The following CLVS1 variants were observed in gnomAD, a reference collection of about 807,000 sequenced individuals.
The protein encoded by CLVS1 is clavesin 1.
A neutral mutation model predicts 33.1 loss-of-function variants in CLVS1; 10 were observed. The ratio of observed to expected loss-of-function variants is 0.30; its 90% CI spans 0.19 to 0.51. The LOEUF (loss-of-function observed/expected upper bound fraction) is 0.51, where lower values mean the gene tolerates loss of function less well. CLVS1 is among the 20% of genes least tolerant of loss of function. CLVS1 has a pLI of 0.97. For missense variants in CLVS1, 343 were observed against 433.4 expected, an observed-to-expected ratio of 0.79 and a Z score of 1.85; for synonymous variants, 163 against 166.1, an observed-to-expected ratio of 0.98 and a Z score of 0.14.
At chr8:61,143,087 G>A (rs949636062) in intron 2 of CLVS1, among the ~76,000 whole-genome samples, 2 of 152,050 alleles carry the variant, frequency 1.3e-5, no homozygotes, top group East Asian at 1.9e-4. Flanking sequence ...CTTTAGATTC[G>A]AATTAGATTC....
intron 2 of CLVS1, among the ~76,000 whole-genome samples, chr8:61,223,957 G>T (rs1462581979): frequency 7.1e-6 from 1 of 140,404 alleles, no homozygotes; most frequent in Non-Finnish European, 1.5e-5. Flanking sequence ...CTGCTTGGTT[G>T]ATTTGGTTAA....
chr8:61,320,698 G>A lies in CLVS1; in HGVS notation c.455+20416G>A, dbSNP rs188117820. Among the ~76,000 whole-genome samples the A allele has an allele frequency of 9.9e-5, 15 of 152,274 alleles. No homozygotes were observed. In the East Asian group the frequency reaches 2.9e-3, roughly 29 times the overall value. On this transcript the variant is annotated intron_variant, in intron 2 of 5. Coordinates refer to ENST00000325897, the MANE Select transcript of CLVS1 (RefSeq NM_173519.3). Reference sequence around the variant, plus strand: ...CTAACTGTGTCCTCACATGGTAGTAGGAGAAAACAAGTTCTCTAGGGCCTC... The same window carrying A: ...CTAACTGTGTCCTCACATGGTAGTAAGAGAAAACAAGTTCTCTAGGGCCTC...
chr8:61,479,598 C>T (rs1818104961), intron 5 of CLVS1, among the ~76,000 whole-genome samples: 2 of 152,188 alleles, frequency 1.3e-5, no homozygotes, highest in South Asian at 4.1e-4. Flanking sequence ...AAGTCATTCT[C>T]CATCCAGCTT....
chr8:61,124,844 G>A (rs533900501), intron 1 of CLVS1, among the ~76,000 whole-genome samples: 4 of 152,330 alleles, frequency 2.6e-5, no homozygotes, highest in Admixed American at 1.3e-4. Flanking sequence ...TAAACGTCCT[G>A]AAGTGTGATC....
intron 2 of CLVS1, among the ~76,000 whole-genome samples, chr8:61,232,023 GTTTTTTTTTT>G (rs1158042227): frequency 1.6e-5 from 1 of 62,628 alleles, no homozygotes; most frequent in Non-Finnish European, 3.9e-5. Flanking sequence ...GAAAGTTGTG[GTTTTTTTTTT>G]TTTTTTTTTT....
rs77837991 is a variant in CLVS1, at chr8:61,442,426, A to G, written c.631-11715A>G. Among the ~76,000 whole-genome samples the G allele has an allele frequency of 3.6e-3, 552 of 152,328 alleles. 3 individuals carry two copies. The highest frequency in any genetic ancestry group is 6.0e-3 in the Non-Finnish European group (411 of 68,028). On this transcript the variant is annotated intron_variant, in intron 3 of 5. Coordinates refer to ENST00000325897, the MANE Select transcript of CLVS1 (RefSeq NM_173519.3). Reference sequence around the variant, plus strand: ...TCTTTGTACCAGTTTTTGTGTAAACATAAGTTTTTATTTCTCTGAAATAAA... The same window carrying G: ...TCTTTGTACCAGTTTTTGTGTAAACGTAAGTTTTTATTTCTCTGAAATAAA...
intron 2 of CLVS1, among the ~76,000 whole-genome samples, chr8:61,133,656 A>G (rs1806141395): frequency 6.6e-6 from 1 of 152,160 alleles, no homozygotes; most frequent in Non-Finnish European, 1.5e-5. Flanking sequence ...AGGACGCTAC[A>G]CTGCCAAAAC....
chr8:61,338,964 CTG>C (rs10608173), intron 2 of CLVS1, among the ~76,000 whole-genome samples: 25,522 of 148,340 alleles, frequency 0.17, 2,471 homozygotes, highest in East Asian at 0.43. Context: ...AAAGGGAACA[CTG>C]TGTGTGTGTG....
At chr8:60,985,469 A>G in the CLVS1 span, among the ~76,000 whole-genome samples, 28 of 152,016 alleles carry the variant, frequency 1.8e-4, no homozygotes, top group African/African-American at 6.5e-4. Context: ...GACTTTGTCC[A>G]CTCTGGTTCC....
At chr8:61,480,342 A>G (rs1031715336) in intron 5 of CLVS1, among the ~76,000 whole-genome samples, 2 of 152,144 alleles carry the variant, frequency 1.3e-5, no homozygotes, top group Admixed American at 6.5e-5. Flanking sequence ...CTGCTGTGCT[A>G]GCAATGAGCA....
chr8:60,967,453 G>A, the CLVS1 span: 3 of 328,794 alleles, frequency 9.1e-6, no homozygotes, highest in East Asian at 1.9e-4. Context: ...GAAGGGGAAC[G>A]GAAGCCGCAT....
In CLVS1 at chr8:61,501,588, C is replaced by CAGTT. The variant is rs1416329915; in HGVS notation, c.*2048_*2051dup. On this transcript the variant is annotated 3_prime_UTR_variant, in exon 6 of 6. Transcript: ENST00000325897. ...GAACATTGAATTGTATTGCCCTTGT[C>CAGTT]AGTTATTTCCTCTGTTCAATAAATA... The CAGTT allele has an allele frequency of 6.6e-6, 1 of 152,146 alleles. No individual in the cohort carries two copies. The highest frequency in any genetic ancestry group is 2.4e-5 in the African/African-American group (1 of 41,432). 9.4% of individuals were successfully genotyped at this position (152,146 alleles called of 1,614,324 possible).
At chr8:60,965,587 C>CCCAGG in the CLVS1 span, among the ~76,000 whole-genome samples, 1 of 152,034 alleles carries the variant, frequency 6.6e-6, no homozygotes, top group Non-Finnish European at 1.5e-5. Context: ...ACAAAAGAGC[C>CCCAGG]CCAGGCCGCT....
the CLVS1 span, among the ~76,000 whole-genome samples, chr8:61,029,200 A>C: frequency 6.6e-6 from 1 of 152,214 alleles, no homozygotes; most frequent in African/African-American, 2.4e-5. Flanking sequence ...AAGGTTACCT[A>C]GCATGTGAGA....
At chr8:61,072,208 C>T (rs1037115367) in intron 1 of CLVS1, among the ~76,000 whole-genome samples, 4 of 152,228 alleles carry the variant, frequency 2.6e-5, no homozygotes, top group Non-Finnish European at 5.9e-5. Flanking sequence ...CTGCCTTCAA[C>T]ACCCAGCTGG....
At chr8:61,238,531 C>G (rs1367478821) in intron 2 of CLVS1, among the ~76,000 whole-genome samples, 1 of 152,180 alleles carries the variant, frequency 6.6e-6, no homozygotes, top group Non-Finnish European at 1.5e-5. Context: ...CTCTGCTTCC[C>G]TTGGCGAATG....
chr8:60,976,495 C>T, the CLVS1 span, among the ~76,000 whole-genome samples: 10 of 152,076 alleles, frequency 6.6e-5, no homozygotes, highest in Admixed American at 6.5e-5. Flanking sequence ...GTAGCTGGGA[C>T]TACAGGTGTT....
chr8:61,203,014 C>T, intron 2 of CLVS1: 1 of 1,343,048 alleles, frequency 7.4e-7, no homozygotes, highest in Non-Finnish European at 1.1e-6. Flanking sequence ...ATCAAAAGGA[C>T]AAGAATCTTT....
At chr8:61,187,610 C>A (rs1001325142) in intron 2 of CLVS1, among the ~76,000 whole-genome samples, 2 of 149,114 alleles carry the variant, frequency 1.3e-5, no homozygotes, top group Non-Finnish European at 3.0e-5. Flanking sequence ...GGATTTTGAA[C>A]CCTGCTTCTC....
Sources: allele counts gnomAD v4.1 joint callset (sites outside exome capture counted in the v4.1 genomes callset), GRCh38; gene constraint gnomAD v4.1.1; transcripts MANE v1.5; gene names NCBI Gene and HGNC (gene_info 2026-07-23, HGNC 2026-07-21).